The following ELOVL5 variants were observed in gnomAD, a reference collection of about 807,000 sequenced individuals.
ELOVL5 encodes ELOVL fatty acid elongase 5.
ELOVL5 carries 8 observed loss-of-function variants against 38.6 expected under a neutral mutation model. That is an observed-to-expected ratio of 0.21 (90% CI 0.12 to 0.37). The LOEUF (loss-of-function observed/expected upper bound fraction) is 0.37, where lower values mean the gene tolerates loss of function less well. Among genes scored for constraint, ELOVL5 ranks in the 10% least tolerant of loss-of-function variants. The pLI is 1.00. For synonymous variants in ELOVL5, 127 were observed against 133.7 expected, an observed-to-expected ratio of 0.95 and a Z score of 0.34; for missense variants, 280 against 367.8, an observed-to-expected ratio of 0.76 and a Z score of 1.95.
At chr6:53,345,724 G>T (rs1278829431) in intron 1 of ELOVL5, among the ~76,000 whole-genome samples, 1 of 152,198 alleles carries the variant, frequency 6.6e-6, no homozygotes. Flanking sequence ...TAAACACAAG[G>T]TTAGATTTTT....
At chr6:53,285,159 CT>C (rs1424606616) in intron 3 of ELOVL5, among the ~76,000 whole-genome samples, 3 of 152,184 alleles carry the variant, frequency 2.0e-5, no homozygotes, top group Non-Finnish European at 4.4e-5. Flanking sequence ...AAAGCTGGGC[CT>C]CTCGTACCAG....
rs1765802184 is a variant in ELOVL5, at chr6:53,268,133, C to CT, written c.*993dup. ...AACTAGGCACATTTTACAAGGAAAT[C>CT]TGTGTCAAAACAGATAACAGTGCAT... On this transcript the variant is annotated 3_prime_UTR_variant, in exon 8 of 8. Transcript: ENST00000304434. 6.6e-6 allele frequency: 1 copy of CT among 152,110 alleles called. No homozygotes were observed. The highest frequency in any genetic ancestry group is 2.4e-5 in the African/African-American group (1 of 41,432). 9.4% of individuals were successfully genotyped at this position (152,110 alleles called of 1,614,324 possible).
intron 1 of ELOVL5, among the ~76,000 whole-genome samples, chr6:53,308,372 G>A (rs80345471): frequency 0.012 from 1,765 of 152,292 alleles, 40 homozygotes; most frequent in African/African-American, 0.04. Flanking sequence ...TTCAACGGCA[G>A]AACCTCTGGT....
intron 3 of ELOVL5, among the ~76,000 whole-genome samples, chr6:53,284,704 C>T (rs1766496610): frequency 6.6e-6 from 1 of 152,150 alleles, no homozygotes; most frequent in African/African-American, 2.4e-5. Context: ...CTATTGGTAC[C>T]ATTTTTACAA....
In ELOVL5 at chr6:53,268,084, T is replaced by A. The variant is rs1238719658; in HGVS notation, c.*1043A>T. On this transcript the variant is annotated 3_prime_UTR_variant, in exon 8 of 8. Coordinates refer to ENST00000304434, the MANE Select transcript of ELOVL5 (RefSeq NM_021814.5). ...TACCTTAAAAAGTTCTAAGGTCCTT[T>A]CCCCCCCTTTGTTAATTTTGGTAAA... is the stretch of plus-strand genomic sequence containing the variant. 6.6e-6 allele frequency: 1 copy of A among 152,010 alleles called. No homozygotes were observed. The allele number at this position is 152,010 out of a possible 1,614,324, so 9.4% of individuals were successfully genotyped here.
rs550174791 is a variant in ELOVL5 at position 53,276,523 on chromosome 6, C to T, written c.247-267G>A. 2.6e-5 allele frequency among the ~76,000 whole-genome samples: 4 copies of T among 152,284 alleles called. No homozygotes were observed. In the East Asian group the frequency reaches 7.7e-4, roughly 29 times the overall value. ...TTACCACGCTGCTTCTCTGCAGAAC[C>T]CTCAGCCCGTCACCCCCTTGGTCCT... On this transcript the variant is annotated intron_variant, in intron 3 of 7. Transcript: ENST00000304434.
intron 1 of ELOVL5, among the ~76,000 whole-genome samples, chr6:53,322,728 C>G (rs1026457270): frequency 6.6e-5 from 10 of 152,222 alleles, no homozygotes; most frequent in African/African-American, 1.2e-4. Flanking sequence ...GAAGACTCCA[C>G]CAGCAAAACA....
intron 1 of ELOVL5, among the ~76,000 whole-genome samples, chr6:53,345,726 T>C (rs1769512602): frequency 1.2e-5 from 1 of 81,562 alleles, no homozygotes; most frequent in Admixed American, 1.4e-4. Context: ...AACACAAGGT[T>C]AGATTTTTAA....
chr6:53,273,918 C>A (rs535831729), intron 5 of ELOVL5, among the ~76,000 whole-genome samples: 1 of 152,258 alleles, frequency 6.6e-6, no homozygotes, highest in East Asian at 1.9e-4. Flanking sequence ...TTCAGTAGGA[C>A]CACTAGTTCT....
chr6:53,279,006 A>G (rs1047546908), intron 3 of ELOVL5, among the ~76,000 whole-genome samples: 1 of 152,060 alleles, frequency 6.6e-6, no homozygotes, highest in Non-Finnish European at 1.5e-5. Context: ...TTCTCCAAAC[A>G]TGCCCTTCCT....
rs1446068779 is a variant in ELOVL5 at position 53,267,415 on chromosome 6, G to C, written c.*1712C>G. 1 of 152,308 alleles carries C rather than the reference G, an allele frequency of 6.6e-6. No individual in the cohort carries two copies. Among genetic ancestry groups the C allele is most frequent in the African/African-American group, 2.4e-5 (1 of 41,454 alleles). 9.4% of individuals were successfully genotyped at this position (152,308 alleles called of 1,614,324 possible). ...AATGCAGGCACAGGTAATCAAAAATGTTTTAATGATTACTGTTTAGACATT... is the reference window on the plus strand; with the variant it reads ...AATGCAGGCACAGGTAATCAAAAATCTTTTAATGATTACTGTTTAGACATT... On this transcript the variant is annotated 3_prime_UTR_variant, in exon 8 of 8. Coordinates refer to ENST00000304434, the MANE Select transcript of ELOVL5 (RefSeq NM_021814.5).
intron 3 of ELOVL5, chr6:53,288,024 T>C: frequency 8.7e-7 from 1 of 1,144,400 alleles, no homozygotes; most frequent in Non-Finnish European, 1.3e-6. Context: ...ACACATTGAA[T>C]GGCTTCACAT....
At chr6:53,338,059 AAGAAATAGATGGGCT>A (rs1769158252) in intron 1 of ELOVL5, among the ~76,000 whole-genome samples, 1 of 152,172 alleles carries the variant, frequency 6.6e-6, no homozygotes, top group Non-Finnish European at 1.5e-5. Context: ...TGGAGCTCAA[AAGAAATAGATGGGCT>A]AGAAATAAAT....
chr6:53,332,190 C>T (rs1387534481), intron 1 of ELOVL5, among the ~76,000 whole-genome samples: 6 of 152,176 alleles, frequency 3.9e-5, no homozygotes, highest in Non-Finnish European at 8.8e-5. Flanking sequence ...CAAACTACAT[C>T]AATAACTAGA....
intron 1 of ELOVL5, among the ~76,000 whole-genome samples, chr6:53,302,823 G>C (rs1709381626): frequency 6.6e-6 from 1 of 152,104 alleles, no homozygotes; most frequent in African/African-American, 2.4e-5. Context: ...TGTGGTATCA[G>C]TCAAGTCACA....
At chr6:53,281,081 G>A (rs1295430270) in intron 3 of ELOVL5, among the ~76,000 whole-genome samples, 2 of 152,140 alleles carry the variant, frequency 1.3e-5, no homozygotes, top group Admixed American at 6.5e-5. Context: ...CATCTTGGGT[G>A]GCCCTTATCA....
intron 1 of ELOVL5, among the ~76,000 whole-genome samples, chr6:53,335,720 T>TATTC (rs1769034159): frequency 6.6e-6 from 1 of 152,190 alleles, no homozygotes; most frequent in Non-Finnish European, 1.5e-5. Flanking sequence ...AGCAGTACTT[T>TATTC]TAGCTGCACA....
intron 1 of ELOVL5, among the ~76,000 whole-genome samples, chr6:53,296,567 A>G (rs1767009514): frequency 6.6e-6 from 1 of 152,214 alleles, no homozygotes; most frequent in Admixed American, 6.5e-5. Context: ...TGTGGGGATC[A>G]CAGTTAAAAA....
At chr6:53,333,414 GA>G (rs991050861) in intron 1 of ELOVL5, among the ~76,000 whole-genome samples, 2 of 152,134 alleles carry the variant, frequency 1.3e-5, no homozygotes, top group Admixed American at 6.5e-5. Flanking sequence ...AAGAATGGGG[GA>G]AAAAATCATG....
Sources: allele counts gnomAD v4.1 joint callset (sites outside exome capture counted in the v4.1 genomes callset), GRCh38; gene constraint gnomAD v4.1.1; transcripts MANE v1.5; gene names NCBI Gene and HGNC (gene_info 2026-07-23, HGNC 2026-07-21).